Variants in GALNT10 observed in about 807,000 individuals in gnomAD.
GALNT10 encodes GalNAc transferase 10.
GALNT10 carries 41 observed loss-of-function variants against 75.0 expected under a neutral mutation model. The ratio of observed to expected loss-of-function variants is 0.55; its 90% confidence interval spans 0.43 to 0.71. The LOEUF (loss-of-function observed/expected upper bound fraction) is 0.71, where lower values mean the gene tolerates loss of function less well. Ranked by LOEUF, GALNT10 falls within the 30% of genes least tolerant of loss-of-function variation. The pLI is 0.00. For missense variants in GALNT10, 727 were observed against 818.5 expected (o/e 0.89, Z 1.36); for synonymous variants, 302 against 313.0 (o/e 0.96, Z 0.37).
intron 1 of GALNT10, among the ~76,000 whole-genome samples, chr5:154,193,811 G>A (rs1359045268): frequency 1.3e-5 from 2 of 152,246 alleles, no homozygotes; most frequent in Non-Finnish European, 2.9e-5. Context: ...CTGCTAGAAT[G>A]AAAGTCTACA....
At chr5:154,381,800 T>C in intron 6 of GALNT10, among the ~76,000 whole-genome samples, 1 of 152,222 alleles carries the variant, frequency 6.6e-6, no homozygotes, top group East Asian at 1.9e-4. Flanking sequence ...CTCCTTGCTT[T>C]CCTTCATACC....
intron 1 of GALNT10, among the ~76,000 whole-genome samples, chr5:154,196,920 A>G (rs993780027): frequency 6.6e-6 from 1 of 152,144 alleles, no homozygotes; most frequent in Non-Finnish European, 1.5e-5. Context: ...GAAGCCCACA[A>G]ATATCCACTC....
intron 4 of GALNT10, among the ~76,000 whole-genome samples, chr5:154,356,579 T>C (rs1755301619): frequency 6.6e-6 from 1 of 152,202 alleles, no homozygotes; most frequent in Admixed American, 6.5e-5. Context: ...TTTTCAATAG[T>C]AAAAACGTTT....
intron 1 of GALNT10, among the ~76,000 whole-genome samples, chr5:154,259,964 A>T (rs1173794219): frequency 6.6e-6 from 1 of 152,210 alleles, no homozygotes; most frequent in African/African-American, 2.4e-5. Flanking sequence ...GCAATCCTAC[A>T]TCTTTTCTTT....
At chr5:154,294,676 G>T (rs770169844) in intron 1 of GALNT10, 140 bp from the exon 2 acceptor site, 25 of 524,602 alleles carry the variant, frequency 4.8e-5, no homozygotes, top group Non-Finnish European at 7.7e-5. Flanking sequence ...CACCAACAAA[G>T]GTATGCTGAG....
At chr5:154,195,558 T>C (rs567212610) in intron 1 of GALNT10, among the ~76,000 whole-genome samples, 7 of 152,326 alleles carry the variant, frequency 4.6e-5, no homozygotes, top group African/African-American at 1.4e-4. Flanking sequence ...TGCTGAATGA[T>C]TGAAATATAT....
intron 1 of GALNT10, among the ~76,000 whole-genome samples, chr5:154,274,338 C>T (rs153440): frequency 0.11 from 16,245 of 152,166 alleles, 1,175 homozygotes; most frequent in African/African-American, 0.22. Context: ...TGATAGAAAA[C>T]CATTCCCCTT....
At chr5:154,226,996 A>G (rs1231849465) in intron 1 of GALNT10, among the ~76,000 whole-genome samples, 6 of 150,696 alleles carry the variant, frequency 4.0e-5, no homozygotes, top group Non-Finnish European at 8.9e-5. Context: ...TTATTTTGAG[A>G]TTCATTCATG....
Position 154,337,388 on chromosome 5 carries a change from C to G in GALNT10, c.568+7650C>G, listed in dbSNP as rs926098543. On this transcript the variant is annotated intron_variant, in intron 4 of 11. Transcript: ENST00000297107. Reference sequence around the variant, plus strand: ...CCACCATTGTGCTTGGCTGAGTTCACAAATCTGATATAACCTGTAGCTTCC... The same window carrying G: ...CCACCATTGTGCTTGGCTGAGTTCAGAAATCTGATATAACCTGTAGCTTCC... 24 of 571,068 alleles carry G rather than the reference C, an allele frequency of 4.2e-5. No individual in the cohort carries two copies. In the Middle Eastern group the frequency reaches 1.5e-3, roughly 35 times the overall value. 35.4% of individuals were successfully genotyped at this position (571,068 alleles called of 1,614,324 possible).
Position 154,376,207 on chromosome 5 carries a change from G to C in GALNT10, c.569-70G>C. 3.1e-6 allele frequency: 3 copies of C among 973,934 alleles called. No individual in the cohort carries two copies. The allele number at this position is 973,934 out of a possible 1,614,324, so 60.3% of individuals were successfully genotyped here. A position where few individuals can be genotyped will look rare whatever the true frequency, so the allele number is the denominator to read the frequency against. On this transcript the variant is annotated intron_variant, in intron 4 of 11. Coordinates refer to ENST00000297107, the MANE Select transcript of GALNT10 (RefSeq NM_198321.4). The surrounding 1 kb of genome is among the most constrained non-coding windows in gnomAD (Gnocchi z 4.1). ...CTAGACTGTGAAGTGCAGTTCACATGTAAGGGAGGAGTCATAAGGATGACT... is the reference window on the plus strand; with the variant it reads ...CTAGACTGTGAAGTGCAGTTCACATCTAAGGGAGGAGTCATAAGGATGACT...
At chr5:154,249,178 C>A (rs528105127) in intron 1 of GALNT10, among the ~76,000 whole-genome samples, 1 of 152,180 alleles carries the variant, frequency 6.6e-6, no homozygotes, top group Non-Finnish European at 1.5e-5. Context: ...CTAGTCTTGA[C>A]GTGCATTTGT....
At chr5:154,378,318 A>ATCATCATCG (rs1554100936) in intron 5 of GALNT10, among the ~76,000 whole-genome samples, 1 of 9,970 alleles carries the variant, frequency 1.0e-4, no homozygotes. Flanking sequence ...TTCCTTTTTT[A>ATCATCATCG]TCATCATCAT....
Position 154,416,848 on chromosome 5 carries a change from G to A in GALNT10, c.1688G>A (p.Cys563Tyr), listed in dbSNP as rs1756521189. Reference sequence around the variant, plus strand: ...CTGTACCACCCTGTCAGTGGCAGCTGCATGGACTGCAGTGAAAGTGACCAT... The same window carrying A: ...CTGTACCACCCTGTCAGTGGCAGCTACATGGACTGCAGTGAAAGTGACCAT... ...KTLYHPVSGS[C>Y]MDCSESDHRI... Residue 563 changes from cysteine (C) to tyrosine (Y), a missense_variant, in exon 12 of 12, where the codon TGC (cysteine) becomes TAC (tyrosine). Physicochemically the swap from Cys to Tyr is radical, Grantham distance 194. Transcript: ENST00000297107. This position sits in a 1 kb window ranked among gnomAD's most constrained non-coding sequence, Gnocchi z 4.5. 1 of 1,613,154 alleles carries A rather than the reference G, an allele frequency of 6.2e-7. No homozygotes were observed. The highest frequency in any genetic ancestry group is 8.5e-7 in the Non-Finnish European group (1 of 1,179,070).
At chr5:154,286,400 T>TC (rs1561650512) in intron 1 of GALNT10, among the ~76,000 whole-genome samples, 11 of 146,504 alleles carry the variant, frequency 7.5e-5, no homozygotes, top group Non-Finnish European at 1.1e-4. Flanking sequence ...TTTTTTTTTT[T>TC]CCCAGTGATA....
chr5:154,293,613 A>ATATTTTTTTTTTTTTTTTT, intron 1 of GALNT10, among the ~76,000 whole-genome samples: 10 of 109,354 alleles, frequency 9.1e-5, no homozygotes, highest in Non-Finnish European at 1.3e-4. Context: ...ATATATATAT[A>ATATTTTTTTTTTTTTTTTT]TTTTTTTTTT....
chr5:154,198,952 C>T (rs1412757740), intron 1 of GALNT10, among the ~76,000 whole-genome samples: 2 of 152,252 alleles, frequency 1.3e-5, no homozygotes, highest in Non-Finnish European at 2.9e-5. Context: ...GTATATAAAT[C>T]TGTCACGCAA....
intron 7 of GALNT10, among the ~76,000 whole-genome samples, chr5:154,391,294 G>T (rs1755891972): frequency 6.6e-6 from 1 of 152,258 alleles, no homozygotes; most frequent in African/African-American, 2.4e-5. Context: ...AGCCTGGTCT[G>T]AAAGGCATGA....
intron 1 of GALNT10, among the ~76,000 whole-genome samples, chr5:154,270,545 G>A (rs548790991): frequency 6.6e-6 from 1 of 152,176 alleles, no homozygotes; most frequent in Non-Finnish European, 1.5e-5. Context: ...ACGATGATGA[G>A]CACTTCCATG....
At chr5:154,260,045 A>G (rs1753679846) in intron 1 of GALNT10, among the ~76,000 whole-genome samples, 1 of 152,012 alleles carries the variant, frequency 6.6e-6, no homozygotes, top group South Asian at 2.1e-4. Flanking sequence ...CAAACAAACA[A>G]ATTGGCTTTT....
Sources: allele counts gnomAD v4.1 joint callset (sites outside exome capture counted in the v4.1 genomes callset), GRCh38; gene constraint gnomAD v4.1.1; non-coding constraint Gnocchi (gnomAD v3.1); transcripts MANE v1.5; gene names NCBI Gene and HGNC (gene_info 2026-07-23, HGNC 2026-07-21).